Variants in FBXO16 observed in about 807,000 individuals in gnomAD.
FBXO16 encodes the protein F-box only protein 16.
Under a neutral mutation model 41.0 loss-of-function variants are expected in FBXO16, and 31 were observed. That is an observed-to-expected ratio of 0.76 (90% CI 0.57 to 1.02). The LOEUF (loss-of-function observed/expected upper bound fraction) is 1.02. Ranked by LOEUF, FBXO16 falls within the 50% of genes least tolerant of loss-of-function variation. FBXO16 has a pLI of 0.00. For missense variants in FBXO16, 361 were observed against 346.2 expected (o/e 1.04, Z -0.34); for synonymous variants, 133 against 117.8 (o/e 1.13, Z -0.84).
rs749085909 is a variant in FBXO16, at chr8:28,456,807, A to T, written c.466T>A (p.Tyr156Asn). Reference protein sequence around the residue: ...PFEQGIWKKHYIQMVKELHIT... With the variant: ...PFEQGIWKKHNIQMVKELHIT... ...TGAAGTTCTTTCACCATTTGAATAT[A>T]GTGCTTCTTCCAGATCCCCTGCTCA... The change falls in exon 5 of 9, where the codon TAT becomes AAT. Residue 156 changes from tyrosine (Y) to asparagine (N), a missense_variant. Transcript: ENST00000380254. The T allele has an allele frequency of 1.2e-6, 2 of 1,614,158 alleles. No individual in the cohort carries two copies. The highest frequency in any genetic ancestry group is 1.7e-5 in the Admixed American group (1 of 60,030).
chr8:28,466,635 A>G (rs1803247030), intron 3 of FBXO16, among the ~76,000 whole-genome samples: 1 of 152,036 alleles, frequency 6.6e-6, no homozygotes, highest in African/African-American at 2.4e-5. Flanking sequence ...ACTTAAAAAA[A>G]AAAAAAAAAA....
chr8:28,456,578 G>C, intron 5 of FBXO16, 188 bp downstream of exon 5: 3 of 632,126 alleles, frequency 4.7e-6, no homozygotes, highest in Non-Finnish European at 7.8e-6. Context: ...GGCAAATGAG[G>C]GCTCTCAACT....
At chr8:28,431,199 T>A (rs1414896890) in intron 7 of FBXO16, among the ~76,000 whole-genome samples, 2 of 152,126 alleles carry the variant, frequency 1.3e-5, no homozygotes, top group Non-Finnish European at 2.9e-5. Flanking sequence ...CTTTTCACCA[T>A]GGCAGGCCCC....
In FBXO16 at chr8:28,463,899, A is replaced by G; in HGVS notation, c.136-81T>C. On this transcript the variant is annotated intron_variant, in intron 3 of 8. Transcript: ENST00000380254. ...GATTCATTACGAGTAAGACATGACA[A>G]TGGCATAGAAAGGGAGTTTAGTAAT... 5 of 1,300,218 alleles carry G rather than the reference A, an allele frequency of 3.8e-6. No homozygotes were observed. The South Asian group carries it at 3.9e-5, about 10-fold the overall frequency. 80.5% of individuals were successfully genotyped at this position (1,300,218 alleles called of 1,614,324 possible).
chr8:28,486,090 A>C (rs1424898455), intron 1 of FBXO16, among the ~76,000 whole-genome samples: 1 of 133,900 alleles, frequency 7.5e-6, no homozygotes, highest in African/African-American at 2.8e-5. Flanking sequence ...TGGGTGACAG[A>C]GTAAGACTCT....
chr8:28,438,799 G>T (rs1482943328), intron 7 of FBXO16, among the ~76,000 whole-genome samples: 1 of 151,978 alleles, frequency 6.6e-6, no homozygotes, highest in Non-Finnish European at 1.5e-5. Context: ...CCCAATCTGT[G>T]TCCTTAGAAA....
intron 3 of FBXO16, among the ~76,000 whole-genome samples, chr8:28,467,398 G>A (rs1237927595): frequency 6.6e-6 from 1 of 152,086 alleles, no homozygotes; most frequent in East Asian, 1.9e-4. Flanking sequence ...AAATATGTCA[G>A]CCTCGATTTC....
chr8:28,428,646 T>C lies in FBXO16; in HGVS notation c.*81A>G, dbSNP rs1193280232. On this transcript the variant is annotated 3_prime_UTR_variant, in exon 9 of 9. Transcript: ENST00000380254. ...GGATGCTGCATGAGAATTTCAGCTG[T>C]GGTGGCAGTGTCTGGGAGTCCCACT... 1 of 1,557,338 alleles carries C rather than the reference T, an allele frequency of 6.4e-7. No homozygotes were observed. The highest frequency in any genetic ancestry group is 1.2e-5 in the South Asian group (1 of 84,310).
intron 4 of FBXO16, among the ~76,000 whole-genome samples, chr8:28,463,366 GTA>G (rs1238521024): frequency 1.4e-4 from 21 of 145,050 alleles, no homozygotes; most frequent in South Asian, 4.6e-4. Flanking sequence ...GTATATGTGT[GTA>G]TATGTGTGTG....
intron 5 of FBXO16, 96 bp downstream of exon 5, chr8:28,456,670 C>G (rs1307628824): frequency 3.6e-6 from 5 of 1,388,488 alleles, no homozygotes; most frequent in Non-Finnish European, 5.0e-6. Context: ...TGAACTACCT[C>G]CCTTCCCCAA....
At chr8:28,430,689 T>C (rs895787516) in intron 7 of FBXO16, among the ~76,000 whole-genome samples, 2 of 152,126 alleles carry the variant, frequency 1.3e-5, no homozygotes, top group Non-Finnish European at 2.9e-5. Context: ...ACCTGTTGAA[T>C]GGCCAGGCGC....
At chr8:28,477,781 A>G (rs571383214) in intron 2 of FBXO16, among the ~76,000 whole-genome samples, 1 of 152,246 alleles carries the variant, frequency 6.6e-6, no homozygotes, top group South Asian at 2.1e-4. Flanking sequence ...GTAATCCCAG[A>G]GCTTTGGGAG....
chr8:28,438,530 C>T (rs1321594517), intron 7 of FBXO16, among the ~76,000 whole-genome samples: 4 of 152,174 alleles, frequency 2.6e-5, no homozygotes, highest in African/African-American at 7.2e-5. Flanking sequence ...TTTCTCTCAT[C>T]TTTCCTTGTG....
At chr8:28,445,665 T>C (rs1176090255) in intron 7 of FBXO16, among the ~76,000 whole-genome samples, 1 of 152,176 alleles carries the variant, frequency 6.6e-6, no homozygotes, top group Non-Finnish European at 1.5e-5. Flanking sequence ...GACACATGTC[T>C]ATGGTAAGCC....
chr8:28,483,488 C>T, intron 1 of FBXO16, 26 bp from the exon 2 acceptor site: 1 of 1,529,132 alleles, frequency 6.5e-7, no homozygotes, highest in Admixed American at 1.7e-5. Context: ...CAACACCTAT[C>T]AGAAGAAGTG....
chr8:28,471,933 G>A (rs1438800544), intron 3 of FBXO16, among the ~76,000 whole-genome samples: 2 of 151,808 alleles, frequency 1.3e-5, no homozygotes, highest in East Asian at 1.9e-4. Flanking sequence ...TTTGATGAAG[G>A]ATAGTTGTAT....
intron 5 of FBXO16, 47 bp from the exon 6 acceptor site, chr8:28,452,523 G>A (rs1802972306): frequency 1.9e-6 from 3 of 1,578,964 alleles, no homozygotes; most frequent in Non-Finnish European, 1.7e-6. Flanking sequence ...ATAATACGCT[G>A]GGTGCGGTGG....
At chr8:28,433,755 G>A (rs1275636966) in intron 7 of FBXO16, among the ~76,000 whole-genome samples, 3 of 152,122 alleles carry the variant, frequency 2.0e-5, no homozygotes, top group African/African-American at 7.2e-5. Flanking sequence ...GACTTTGCAT[G>A]GGGATAGAAA....
chr8:28,460,229 A>G (rs1010228108), intron 4 of FBXO16, among the ~76,000 whole-genome samples: 26 of 85,552 alleles, frequency 3.0e-4, no homozygotes, highest in African/African-American at 1.0e-3. Context: ...GTGTGTGTAT[A>G]TATATATATA....
Sources: gnomAD v4.1 joint callset for allele counts (sites outside exome capture counted in the v4.1 genomes callset) on GRCh38, gnomAD v4.1.1 for gene constraint, MANE v1.5 for transcripts, NCBI Gene and HGNC (gene_info 2026-07-23, HGNC 2026-07-21) for gene names.